The following ATP2B2 variants were observed in gnomAD, a reference collection of about 807,000 sequenced individuals.
ATP2B2 encodes the protein ATPase plasma membrane Ca2+ transporting 2, also known as plasma membrane calcium-transporting ATPase 2.
Under a neutral mutation model 120.0 loss-of-function variants are expected in ATP2B2, and 15 were observed. That is an observed-to-expected ratio of 0.12 (90% confidence interval 0.08 to 0.19). The LOEUF is 0.19. Among genes scored for constraint, ATP2B2 ranks in the 10% least tolerant of loss-of-function variants. The pLI is 1.00. For missense variants in ATP2B2, 1,045 were observed against 1,719.8 expected (o/e 0.61, Z 6.94); for synonymous variants, 694 against 700.3 (o/e 0.99, Z 0.14).
At chr3:10,663,594 C>G (rs1326003867) in intron 1 of ATP2B2, among the ~76,000 whole-genome samples, 1 of 152,152 alleles carries the variant, frequency 6.6e-6, no homozygotes, top group Non-Finnish European at 1.5e-5. Flanking sequence ...GGTTTTGGTT[C>G]TCTGCAGGTA....
At chr3:10,442,878 C>T (rs990640564) in intron 2 of ATP2B2, among the ~76,000 whole-genome samples, 6 of 152,198 alleles carry the variant, frequency 3.9e-5, no homozygotes, top group Non-Finnish European at 5.9e-5. Context: ...ATGCTTACAG[C>T]GACCCTATGA....
chr3:10,394,829 G>A (rs2061981636), intron 5 of ATP2B2, among the ~76,000 whole-genome samples: 2 of 152,044 alleles, frequency 1.3e-5, no homozygotes, highest in Admixed American at 1.3e-4. Context: ...GCTGGAGCCA[G>A]GCCTTGCTGT....
At position 10,449,567 on chromosome 3, in the gene ATP2B2, C is replaced by A. The variant is rs747242909; in HGVS notation, c.-24G>T. ...ATGTTTGCTGCGGTCCTTGCTCGGG[C>A]TGGGCCCAAGGGTCAGCGCTGGACA... On this transcript the variant is annotated 5_prime_UTR_variant, in exon 2 of 23. Transcript: ENST00000360273. 3.7e-5 allele frequency: 59 copies of A among 1,614,066 alleles called. No homozygotes were observed. Among genetic ancestry groups the A allele is most frequent in the Non-Finnish European group, 4.6e-5 (54 of 1,180,032 alleles).
At chr3:10,366,176 G>A (rs1013754537) in intron 12 of ATP2B2, among the ~76,000 whole-genome samples, 2 of 152,130 alleles carry the variant, frequency 1.3e-5, no homozygotes, top group African/African-American at 2.4e-5. Context: ...AGGCTCACTC[G>A]AATATTAGAT....
intron 9 of ATP2B2, 23 bp from the exon 10 acceptor site, chr3:10,378,433 G>A (rs759980384): frequency 2.4e-5 from 39 of 1,599,402 alleles, no homozygotes; most frequent in East Asian, 2.0e-4. Context: ...GATCACGCAC[G>A]TGCATACACA....
chr3:10,404,814 G>T (rs1051025336), intron 3 of ATP2B2, among the ~76,000 whole-genome samples: 4 of 152,188 alleles, frequency 2.6e-5, no homozygotes, highest in African/African-American at 9.7e-5. Flanking sequence ...ATATGGAAAC[G>T]CATTTTCTTG....
chr3:10,511,418 T>C (rs1175769783), intron 3 of ATP2B2, among the ~76,000 whole-genome samples: 1 of 152,224 alleles, frequency 6.6e-6, no homozygotes, highest in Non-Finnish European at 1.5e-5. Context: ...AGATCCTCAA[T>C]AAATATTGAT....
At chr3:10,334,483 T>C (rs26313) in intron 22 of ATP2B2, among the ~76,000 whole-genome samples, 34,836 of 152,132 alleles carry the variant, frequency 0.23, 4,786 homozygotes, top group East Asian at 0.54. Context: ...GAGAGCTCTC[T>C]GGTCTAAAGG....
intron 1 of ATP2B2, among the ~76,000 whole-genome samples, chr3:10,491,035 T>G (rs1352730896): frequency 3.9e-5 from 6 of 152,154 alleles, no homozygotes; most frequent in African/African-American, 1.4e-4. Context: ...TAGCTGACCT[T>G]TTGCATCTGA....
intron 1 of ATP2B2, among the ~76,000 whole-genome samples, chr3:10,623,054 CTTTTTTT>C (rs34097914): frequency 4.0e-4 from 43 of 106,644 alleles, no homozygotes; most frequent in Non-Finnish European, 6.2e-4. Flanking sequence ...TTGGTCAGCT[CTTTTTTT>C]TTTTTTTTTT....
intron 2 of ATP2B2, among the ~76,000 whole-genome samples, chr3:10,422,992 A>C (rs2063036310): frequency 6.6e-6 from 1 of 152,128 alleles, no homozygotes; most frequent in African/African-American, 2.4e-5. Flanking sequence ...TGGGGATCTG[A>C]GTGGAAGGTG....
intron 1 of ATP2B2, among the ~76,000 whole-genome samples, chr3:10,671,540 G>A (rs2071096706): frequency 6.6e-6 from 1 of 152,140 alleles, no homozygotes; most frequent in East Asian, 1.9e-4. Context: ...ACCCTAGGGA[G>A]GAGTCTGAGA....
At chr3:10,690,405 A>G (rs1248045589) in intron 1 of ATP2B2, among the ~76,000 whole-genome samples, 1 of 152,026 alleles carries the variant, frequency 6.6e-6, no homozygotes, top group Admixed American at 6.6e-5. Flanking sequence ...GAGCTAACAT[A>G]TAGAAAAAAA....
At chr3:10,498,416 T>C (rs2066242847) in intron 1 of ATP2B2, among the ~76,000 whole-genome samples, 1 of 152,256 alleles carries the variant, frequency 6.6e-6, no homozygotes, top group Admixed American at 6.5e-5. Flanking sequence ...CAGCACCCTC[T>C]GCTCCGGATG....
At chr3:10,665,820 C>T (rs992331763) in intron 1 of ATP2B2, among the ~76,000 whole-genome samples, 4 of 152,146 alleles carry the variant, frequency 2.6e-5, no homozygotes, top group East Asian at 1.9e-4. Context: ...GGTATCAGAG[C>T]TGGCAGCAGA....
intron 2 of ATP2B2, among the ~76,000 whole-genome samples, chr3:10,611,997 C>A (rs574056888): frequency 6.6e-6 from 1 of 152,206 alleles, no homozygotes; most frequent in Non-Finnish European, 1.5e-5. Context: ...ACATTTCTGC[C>A]AGCCAGCATC....
At chr3:10,378,114 G>T in intron 10 of ATP2B2, 138 bp downstream of exon 10, 2 of 1,192,050 alleles carry the variant, frequency 1.7e-6, no homozygotes, top group Non-Finnish European at 2.3e-6. Flanking sequence ...GGGTGCTGTG[G>T]TAGAGAAAGG....
intron 1 of ATP2B2, among the ~76,000 whole-genome samples, chr3:10,641,059 T>C (rs924703666): frequency 6.6e-6 from 1 of 152,170 alleles, no homozygotes; most frequent in African/African-American, 2.4e-5. Flanking sequence ...CCAGGATGAC[T>C]AGCAATTGAA....
At chr3:10,513,720 C>T (rs2125442370) in intron 3 of ATP2B2, among the ~76,000 whole-genome samples, 1 of 152,210 alleles carries the variant, frequency 6.6e-6, no homozygotes. Flanking sequence ...TTCACAGAGT[C>T]GCGAATGTGC....
Sources: allele counts gnomAD v4.1 joint callset (sites outside exome capture counted in the v4.1 genomes callset), GRCh38; gene constraint gnomAD v4.1.1; transcripts MANE v1.5; gene names NCBI Gene and HGNC (gene_info 2026-07-23, HGNC 2026-07-21).